Variants in AHCYL2 observed in about 807,000 individuals in gnomAD.
AHCYL2 encodes S-adenosylhomocysteine hydrolase-like protein 2.
AHCYL2 carries 28 observed loss-of-function variants against 81.4 expected under a neutral mutation model. The observed-to-expected ratio is 0.34, with a 90% CI of 0.25 to 0.47. The LOEUF (loss-of-function observed/expected upper bound fraction) is 0.47. AHCYL2 is among the 20% of genes least tolerant of loss of function. The probability of loss-of-function intolerance (pLI) is 1.00; values close to 1 mark genes in which losing one functional copy is unlikely to be tolerated. For missense variants in AHCYL2, 551 were observed against 785.1 expected, an observed-to-expected ratio of 0.70 and a Z score of 3.56; for synonymous variants, 272 against 290.2, an observed-to-expected ratio of 0.94 and a Z score of 0.64.
At chr7:129,265,834 T>C (rs965056493) in intron 1 of AHCYL2, among the ~76,000 whole-genome samples, 1 of 152,208 alleles carries the variant, frequency 6.6e-6, no homozygotes, top group Non-Finnish European at 1.5e-5. Flanking sequence ...AGGAGGTTAC[T>C]GCAATAACTA....
chr7:129,271,018 A>ATATC (rs1342627287), intron 1 of AHCYL2, among the ~76,000 whole-genome samples: 1 of 152,098 alleles, frequency 6.6e-6, no homozygotes, highest in Admixed American at 6.5e-5. Context: ...CTCTATAGGG[A>ATATC]TATCCTCAAT....
intron 1 of AHCYL2, among the ~76,000 whole-genome samples, chr7:129,311,025 T>C (rs1005178893): frequency 1.3e-5 from 2 of 151,710 alleles, no homozygotes; most frequent in Non-Finnish European, 2.9e-5. Flanking sequence ...AGAGAATTGT[T>C]TGAGCCCAGG....
At chr7:129,279,247 T>G (rs992509616) in intron 1 of AHCYL2, among the ~76,000 whole-genome samples, 49 of 151,928 alleles carry the variant, frequency 3.2e-4, no homozygotes, top group Non-Finnish European at 2.2e-4. Context: ...TTTGGTAGTT[T>G]TTTTTTTTTT....
chr7:129,281,496 T>A, intron 1 of AHCYL2, among the ~76,000 whole-genome samples: 1 of 140,950 alleles, frequency 7.1e-6, no homozygotes, highest in Non-Finnish European at 1.5e-5. Flanking sequence ...TAGATTTTTT[T>A]TTTTTTTTTT....
intron 1 of AHCYL2, among the ~76,000 whole-genome samples, chr7:129,330,060 A>C (rs1360786656): frequency 6.6e-6 from 1 of 152,242 alleles, no homozygotes; most frequent in Non-Finnish European, 1.5e-5. Context: ...GCTGGAGTAC[A>C]GAGGCACGAT....
chr7:129,282,071 C>G (rs1298118142), intron 1 of AHCYL2, among the ~76,000 whole-genome samples: 1 of 152,012 alleles, frequency 6.6e-6, no homozygotes, highest in Admixed American at 6.6e-5. Flanking sequence ...TAATTTAATT[C>G]CATTATGGTT....
chr7:129,314,113 G>A (rs1467312342), intron 1 of AHCYL2, among the ~76,000 whole-genome samples: 1 of 152,200 alleles, frequency 6.6e-6, no homozygotes, highest in Non-Finnish European at 1.5e-5. Flanking sequence ...GGAGTGACTA[G>A]AGGTAGCAGA....
At chr7:129,245,497 C>T (rs1342956545) in intron 1 of AHCYL2, among the ~76,000 whole-genome samples, 1 of 152,156 alleles carries the variant, frequency 6.6e-6, no homozygotes. Flanking sequence ...ACCCATTAAA[C>T]AGTAACTCTC....
intron 1 of AHCYL2, among the ~76,000 whole-genome samples, chr7:129,266,579 C>G (rs1795819308): frequency 6.6e-6 from 1 of 152,136 alleles, no homozygotes; most frequent in South Asian, 2.1e-4. Flanking sequence ...ACTAAAGTAT[C>G]TCACTGAGAT....
At chr7:129,244,094 A>G (rs1794963713) in intron 1 of AHCYL2, among the ~76,000 whole-genome samples, 1 of 149,996 alleles carries the variant, frequency 6.7e-6, no homozygotes, top group Admixed American at 6.6e-5. Flanking sequence ...GAACTCCTGG[A>G]CTCAAGTGAT....
chr7:129,328,135 T>A (rs770955081), intron 1 of AHCYL2, among the ~76,000 whole-genome samples: 1 of 151,936 alleles, frequency 6.6e-6, no homozygotes, highest in Non-Finnish European at 1.5e-5. Context: ...AACTATCACA[T>A]TATTCCCTTT....
chr7:129,318,412 G>A (rs1378778513), intron 1 of AHCYL2, among the ~76,000 whole-genome samples: 1 of 152,118 alleles, frequency 6.6e-6, no homozygotes, highest in Non-Finnish European at 1.5e-5. Flanking sequence ...CAAAATTTTG[G>A]TAAAAAGCTT....
intron 1 of AHCYL2, among the ~76,000 whole-genome samples, chr7:129,376,081 C>T (rs1433419129): frequency 6.6e-6 from 1 of 152,182 alleles, no homozygotes. Flanking sequence ...CTTTCCCTCC[C>T]TTGCCTTAAT....
At chr7:129,392,292 A>G (rs1795507621) in intron 4 of AHCYL2, among the ~76,000 whole-genome samples, 2 of 152,202 alleles carry the variant, frequency 1.3e-5, no homozygotes, top group Non-Finnish European at 2.9e-5. Context: ...AGACTGGGTA[A>G]TTAATAAACA....
At chr7:129,378,409 G>A (rs1794793461) in intron 1 of AHCYL2, among the ~76,000 whole-genome samples, 1 of 152,156 alleles carries the variant, frequency 6.6e-6, no homozygotes, top group Admixed American at 6.5e-5. Flanking sequence ...AGAGTTACGA[G>A]AGCATTGAAC....
In AHCYL2 at chr7:129,379,736, C is replaced by A. The variant is rs532523072; in HGVS notation, c.462C>A (p.Asp154Glu). ...LSRSISQSSTDSYSSAASYTD... is the reference protein window; with the variant it reads ...LSRSISQSSTESYSSAASYTD... ...GTTCCATTTCTCAGTCATCTACTGACAGCTACAGCTCAGGTGAGTACTGAA... is the reference window on the plus strand; with the variant it reads ...GTTCCATTTCTCAGTCATCTACTGAAAGCTACAGCTCAGGTGAGTACTGAA... The change falls in exon 2 of 17, where the codon GAC (aspartate) becomes GAA (glutamate). Residue 154 changes from aspartate to glutamate, a missense_variant. Physicochemically the swap from Asp to Glu is conservative, Grantham distance 45 (BLOSUM62 2). Coordinates refer to ENST00000325006, the MANE Select transcript of AHCYL2 (RefSeq NM_015328.4). The A allele has an allele frequency of 5.6e-6, 9 of 1,613,972 alleles. No homozygotes were observed. The highest frequency in any genetic ancestry group is 5.9e-6 in the Non-Finnish European group (7 of 1,179,910).
At chr7:129,258,212 TCAGATTCA>T (rs1471057715) in intron 1 of AHCYL2, among the ~76,000 whole-genome samples, 1 of 148,450 alleles carries the variant, frequency 6.7e-6, no homozygotes, top group African/African-American at 2.5e-5. Flanking sequence ...TGAAAGTAAA[TCAGATTCA>T]CAGTTCTCAA....
At chr7:129,228,857 G>A (rs745854712) in intron 1 of AHCYL2, among the ~76,000 whole-genome samples, 1 of 152,140 alleles carries the variant, frequency 6.6e-6, no homozygotes, top group Non-Finnish European at 1.5e-5. Flanking sequence ...AGAATGAGTT[G>A]AGCCATGTTA....
chr7:129,225,146 C>T lies in AHCYL2; in HGVS notation c.70C>T (p.Pro24Ser), dbSNP rs779001507. The T allele has an allele frequency of 8.1e-6, 13 of 1,601,522 alleles. No individual in the cohort carries two copies. Among genetic ancestry groups the T allele is most frequent in the African/African-American group, 1.3e-5 (1 of 74,814 alleles). ...VPEVELKDLS[P>S]SEAESQLGLS... The stretch of plus-strand genomic sequence containing the variant: ...TGAGGTGGAGCTGAAGGACCTGAGC[C>T]CCTCCGAGGCGGAGTCGCAACTAGG... Residue 24 changes from proline to serine, a missense_variant, in exon 1 of 17, where the codon CCC becomes TCC. Around this residue, in one of 2 missense-constraint regions of AHCYL2, gnomAD observed 235 missense variants for 242.1 expected, o/e 0.97. Transcript: ENST00000325006.
Sources: gnomAD v4.1 joint callset for allele counts (sites outside exome capture counted in the v4.1 genomes callset) on GRCh38, gnomAD v4.1.1 for gene constraint, gnomAD v4.1.1 regional missense constraint, MANE v1.5 for transcripts, NCBI Gene and HGNC (gene_info 2026-07-23, HGNC 2026-07-21) for gene names.